SIM1: variants seen among roughly 807,000 people sequenced by gnomAD.
The protein encoded by SIM1 is single-minded homolog 1.
Under a neutral mutation model 78.2 loss-of-function variants are expected in SIM1, and 18 were observed. That is an observed-to-expected ratio of 0.23 (90% CI 0.16 to 0.34). The LOEUF is 0.34. Among genes scored for constraint, SIM1 ranks in the 10% least tolerant of loss-of-function variants. The pLI is 1.00. For missense variants in SIM1, 939 were observed against 975.1 expected (o/e 0.96, Z 0.49); for synonymous variants, 417 against 385.2 (o/e 1.08, Z -0.97).
At chr6:100,413,628 A>G (rs1003326173) in intron 10 of SIM1, among the ~76,000 whole-genome samples, 2 of 152,204 alleles carry the variant, frequency 1.3e-5, no homozygotes, top group Non-Finnish European at 2.9e-5. Flanking sequence ...AATGCCATGT[A>G]TCAGTGTGTA....
chr6:100,404,878 G>T (rs1771017662), intron 10 of SIM1, among the ~76,000 whole-genome samples: 1 of 152,182 alleles, frequency 6.6e-6, no homozygotes. Context: ...CTATGTGCCT[G>T]TGATAACGTA....
At chr6:100,448,865 C>A (rs1386129342) in intron 6 of SIM1, among the ~76,000 whole-genome samples, 187 bp from the exon 7 acceptor site, 1 of 152,222 alleles carries the variant, frequency 6.6e-6, no homozygotes, top group Non-Finnish European at 1.5e-5. Context: ...CACAGCCACA[C>A]TGAACTCACC....
chr6:100,463,307 C>T lies in SIM1; in HGVS notation c.162G>A (p.Val54=). Residue 54 remains valine (V), a synonymous_variant, in exon 2 of 12, where the codon GTG becomes GTA. Transcript: ENST00000369208. The part of the protein sequence containing the change: ...RLTTSYLKMR[V]VFPEGLGEAW... ...AAAGTCACTTACCTTCTGGGAACAC[C>T]ACTCTCATTTTGAGATAGCTGGTCG... is the stretch of plus-strand genomic sequence containing the variant. 1 of 1,611,634 alleles carries T rather than the reference C, an allele frequency of 6.2e-7. No homozygotes were observed. Among genetic ancestry groups the T allele is most frequent in the Non-Finnish European group, 8.5e-7 (1 of 1,177,996 alleles).
At chr6:100,406,813 A>ATCGT (rs34345968) in intron 10 of SIM1, among the ~76,000 whole-genome samples, 4,348 of 152,246 alleles carry the variant, frequency 0.029, 96 homozygotes, top group Middle Eastern at 0.061. Flanking sequence ...GTCACCTCAC[A>ATCGT]TCGTTACCTT....
chr6:100,438,132 G>C (rs1444888508), intron 9 of SIM1, among the ~76,000 whole-genome samples: 3 of 152,074 alleles, frequency 2.0e-5, no homozygotes, highest in South Asian at 4.1e-4. Context: ...TTAAAAAAAA[G>C]CTTCTGCGTT....
At position 100,390,825 on chromosome 6, in the gene SIM1, G is replaced by T; in HGVS notation, c.1837C>A (p.Pro613Thr). The change falls in exon 12 of 12, where the codon CCA (proline) becomes ACA (threonine). Residue 613 changes from proline (P) to threonine (T), a missense_variant. By Grantham distance (38) the Pro-to-Thr change is conservative. This residue lies in a region of SIM1 where 556 missense variants were observed against 521.9 expected (regional missense o/e 1.07). Coordinates refer to ENST00000369208, the MANE Select transcript of SIM1 (RefSeq NM_005068.3). Reference sequence around the variant, plus strand: ...CCATGGCAGACTTCACCTGTTGGTGGGGGCTGTTGGTAGTTTGCAAAACAC... The same window carrying T: ...CCATGGCAGACTTCACCTGTTGGTGTGGGCTGTTGGTAGTTTGCAAAACAC... ...SLCFANYQQP[P>T]PTGEVCHGSA... The T allele has an allele frequency of 1.2e-6, 2 of 1,614,170 alleles. No individual in the cohort carries two copies. Among genetic ancestry groups the T allele is most frequent in the South Asian group, 2.2e-5 (2 of 91,074 alleles).
rs1048738530 is a variant in SIM1 at position 100,386,808 on chromosome 6, T to C, written c.*3553A>G. ...TCATTTATTGCATCCCGTCTCATTTTGAATGTCACCTCAGCACTGTCATAT... is the reference window on the plus strand; with the variant it reads ...TCATTTATTGCATCCCGTCTCATTTCGAATGTCACCTCAGCACTGTCATAT... On this transcript the variant is annotated 3_prime_UTR_variant, in exon 12 of 12. Transcript: ENST00000369208. 4 of 152,110 alleles carry C rather than the reference T, an allele frequency of 2.6e-5. No individual in the cohort carries two copies. The highest frequency in any genetic ancestry group is 5.9e-5 in the Non-Finnish European group (4 of 67,946). The allele number at this position is 152,110 out of a possible 1,614,324, so 9.4% of individuals were successfully genotyped here.
At chr6:100,432,538 T>G (rs953040667) in intron 9 of SIM1, among the ~76,000 whole-genome samples, 2 of 151,898 alleles carry the variant, frequency 1.3e-5, no homozygotes, top group South Asian at 4.2e-4. Flanking sequence ...GCTTCACACT[T>G]TCCCCAAGGC....
chr6:100,432,342 G>A (rs750146878), intron 9 of SIM1, among the ~76,000 whole-genome samples: 8 of 152,224 alleles, frequency 5.3e-5, no homozygotes, highest in Non-Finnish European at 8.8e-5. Flanking sequence ...TGAGCCCAAC[G>A]ATTTGCATTC....
At chr6:100,403,384 T>C (rs1770976550) in intron 10 of SIM1, among the ~76,000 whole-genome samples, 2 of 152,246 alleles carry the variant, frequency 1.3e-5, no homozygotes, top group Non-Finnish European at 2.9e-5. Context: ...TTCATCAGGT[T>C]AAAGGCCTGA....
intron 9 of SIM1, among the ~76,000 whole-genome samples, chr6:100,442,248 A>C (rs1772238234): frequency 6.6e-6 from 1 of 152,208 alleles, no homozygotes; most frequent in Non-Finnish European, 1.5e-5. Context: ...ATACAATAAT[A>C]AGGAAAAAGT....
rs116611377 is a variant in SIM1, at chr6:100,431,782, G to A, written c.999-10824C>T. Among the ~76,000 whole-genome samples, 302 of 152,286 alleles carry A rather than the reference G, an allele frequency of 2.0e-3. 3 individuals carry two copies. The highest frequency in any genetic ancestry group is 7.1e-3 in the African/African-American group (295 of 41,564). On this transcript the variant is annotated intron_variant, in intron 9 of 11. Transcript: ENST00000369208. ...AAAGTTCCCTGGCCATGACGAAGAT[G>A]TCTCAATAGTGGTCCAATAGCTGAT...
At chr6:100,423,881 T>C (rs1771657240) in intron 9 of SIM1, among the ~76,000 whole-genome samples, 1 of 152,190 alleles carries the variant, frequency 6.6e-6, no homozygotes, top group African/African-American at 2.4e-5. Context: ...AATAGTCCAG[T>C]AGACATTTAG....
At chr6:100,440,310 T>C (rs890521668) in intron 9 of SIM1, among the ~76,000 whole-genome samples, 2 of 152,162 alleles carry the variant, frequency 1.3e-5, no homozygotes, top group Admixed American at 1.3e-4. Context: ...AGCATAGTCT[T>C]CATTCTAACC....
At chr6:100,461,549 G>A (rs776824598) in intron 2 of SIM1, among the ~76,000 whole-genome samples, 27 of 152,228 alleles carry the variant, frequency 1.8e-4, no homozygotes, top group Non-Finnish European at 2.6e-4. Context: ...AATAATTGAC[G>A]AGACCGGCTG....
chr6:100,463,632 A>G lies in SIM1; in HGVS notation c.-164T>C. On this transcript the variant is annotated 5_prime_UTR_variant, in exon 2 of 12. Transcript: ENST00000369208. ...AAGAACAGTGTATTGATGGCAGTAA[A>G]AGACCAGCGGGGGTGAACGGAAAAT... The G allele has an allele frequency of 3.2e-6, 2 of 622,352 alleles. No homozygotes were observed. Among genetic ancestry groups the G allele is most frequent in the Non-Finnish European group, 5.5e-6 (2 of 362,392 alleles). The allele number at this position is 622,352 out of a possible 1,614,324, so 38.6% of individuals were successfully genotyped here. A position where few individuals can be genotyped will look rare whatever the true frequency, so the allele number is the denominator to read the frequency against.
In SIM1 at chr6:100,420,213, G is replaced by A. The variant is rs1231133964; in HGVS notation, c.1167+577C>T. 2.6e-5 allele frequency among the ~76,000 whole-genome samples: 4 copies of A among 152,164 alleles called. No homozygotes were observed. The East Asian group carries it at 7.7e-4, about 29-fold the overall frequency. ...AGGAATCCTATTTGTACCTTGCAGT[G>A]TTTCTGGAATACTTCTTGGGGTCTC... On this transcript the variant is annotated intron_variant, in intron 10 of 11. Transcript: ENST00000369208.
rs1279745703 is a variant in SIM1, at chr6:100,388,052, A to G, written c.*2309T>C. 6.6e-6 allele frequency: 1 copy of G among 152,176 alleles called. No homozygotes were observed. The highest frequency in any genetic ancestry group is 1.5e-5 in the Non-Finnish European group (1 of 68,008). 9.4% of individuals were successfully genotyped at this position (152,176 alleles called of 1,614,324 possible). A position where few individuals can be genotyped will look rare whatever the true frequency, so the allele number is the denominator to read the frequency against. ...CTACAAAACCTTTAGCATTCTTAAGACATTACTTCATGTTGCAAATTGATC... is the reference window on the plus strand; with the variant it reads ...CTACAAAACCTTTAGCATTCTTAAGGCATTACTTCATGTTGCAAATTGATC... On this transcript the variant is annotated 3_prime_UTR_variant, in exon 12 of 12. Coordinates refer to ENST00000369208, the MANE Select transcript of SIM1 (RefSeq NM_005068.3).
chr6:100,418,348 C>T (rs1205275821), intron 10 of SIM1, among the ~76,000 whole-genome samples: 1 of 122,214 alleles, frequency 8.2e-6, no homozygotes, highest in African/African-American at 3.4e-5. Flanking sequence ...CAGACTGAGA[C>T]CCTGTCTCCA....
Sources: allele counts gnomAD v4.1 joint callset (sites outside exome capture counted in the v4.1 genomes callset), GRCh38; gene constraint gnomAD v4.1.1; regional missense constraint gnomAD v4.1.1; transcripts MANE v1.5; gene names NCBI Gene and HGNC (gene_info 2026-07-23, HGNC 2026-07-21).